The following AUTS2 variants were observed in gnomAD, a reference collection of about 807,000 sequenced individuals.
AUTS2 encodes autism susceptibility gene 2 protein.
AUTS2 carries 17 observed loss-of-function variants against 112.4 expected under a neutral mutation model. The ratio of observed to expected loss-of-function variants is 0.15; its 90% CI spans 0.10 to 0.23. The LOEUF is 0.23. Ranked by LOEUF, AUTS2 falls within the 10% of genes least tolerant of loss-of-function variation. AUTS2 has a pLI of 1.00. For synonymous variants in AUTS2, 751 were observed against 702.7 expected (o/e 1.07, Z -1.09); for missense variants, 1,510 against 1,701.6 (o/e 0.89, Z 1.98).
At position 70,546,733 on chromosome 7, in the gene AUTS2, CAT is replaced by C. The variant is rs1256621150; in HGVS notation, c.690+110953_690+110954del. 3.3e-5 allele frequency among the ~76,000 whole-genome samples: 5 copies of C among 150,028 alleles called. No homozygotes were observed. In the East Asian group the frequency reaches 8.0e-4, roughly 24 times the overall value. On this transcript the variant is annotated intron_variant, in intron 5 of 18. Coordinates refer to ENST00000342771, the MANE Select transcript of AUTS2 (RefSeq NM_015570.4). ...GGTGGAGCTTTCAGTGAGCTGAGAT[CAT>C]GCCACTGCACTCCAGCCTGGGCGAC... is the stretch of plus-strand genomic sequence containing the variant.
At chr7:70,414,833 A>G (rs1794924836) in intron 4 of AUTS2, among the ~76,000 whole-genome samples, 1 of 152,114 alleles carries the variant, frequency 6.6e-6, no homozygotes, top group Non-Finnish European at 1.5e-5. Flanking sequence ...GGCTCAAAGC[A>G]CGAGTTACAG....
intron 4 of AUTS2, among the ~76,000 whole-genome samples, chr7:70,289,784 G>A (rs1788627299): frequency 6.6e-6 from 1 of 152,196 alleles, no homozygotes; most frequent in Non-Finnish European, 1.5e-5. Flanking sequence ...TAGAGATACA[G>A]TCTTCAACCA....
intron 1 of AUTS2, among the ~76,000 whole-genome samples, chr7:69,882,492 G>A (rs1794098336): frequency 6.6e-6 from 1 of 152,116 alleles, no homozygotes; most frequent in Non-Finnish European, 1.5e-5. Flanking sequence ...TTTCAGTTCT[G>A]TTCACATGAA....
chr7:69,661,626 G>A (rs1795801408), intron 1 of AUTS2, among the ~76,000 whole-genome samples: 1 of 152,254 alleles, frequency 6.6e-6, no homozygotes, highest in East Asian at 1.9e-4. Context: ...CATGACCAAG[G>A]GAAAGAGAAG....
chr7:70,112,533 T>G (rs1189581962), intron 2 of AUTS2, among the ~76,000 whole-genome samples: 2 of 152,014 alleles, frequency 1.3e-5, no homozygotes, highest in Non-Finnish European at 2.9e-5. Context: ...AGTAGAATGC[T>G]AAAGGCTCCC....
At chr7:69,950,517 A>G (rs770051678) in intron 2 of AUTS2, among the ~76,000 whole-genome samples, 4 of 152,176 alleles carry the variant, frequency 2.6e-5, no homozygotes, top group Non-Finnish European at 5.9e-5. Context: ...ACAGTGTGTT[A>G]AGTTACTTCT....
intron 5 of AUTS2, among the ~76,000 whole-genome samples, chr7:70,697,622 T>G (rs1264670529): frequency 1.4e-5 from 2 of 145,346 alleles, no homozygotes; most frequent in Non-Finnish European, 3.0e-5. Flanking sequence ...GGCTTTTGCT[T>G]TCTCAGAATA....
chr7:70,710,109 C>G (rs35853332), intron 6 of AUTS2, among the ~76,000 whole-genome samples: 66,238 of 151,570 alleles, frequency 0.44, 14,596 homozygotes, highest in Middle Eastern at 0.55. Context: ...TTTATCTGCT[C>G]AGTAAATGTT....
intron 2 of AUTS2, among the ~76,000 whole-genome samples, chr7:70,025,455 T>C (rs1180995525): frequency 2.6e-5 from 4 of 151,276 alleles, no homozygotes; most frequent in African/African-American, 7.3e-5. Context: ...GTTTCCTTTT[T>C]TTTTTTTTTT....
In AUTS2 at chr7:69,599,609, G is replaced by T; in HGVS notation, c.-45G>T. The T allele has an allele frequency of 7.9e-7, 1 of 1,265,300 alleles. No homozygotes were observed. The highest frequency in any genetic ancestry group is 1.6e-5 in the African/African-American group (1 of 64,416). 78.4% of individuals were successfully genotyped at this position (1,265,300 alleles called of 1,614,324 possible). ...AATTTTTTTTTGTGTGGCTGCGGCC[G>T]TAGCCTGTGGCGGGCAAGCGGGGAG... On this transcript the variant is annotated 5_prime_UTR_variant, in exon 1 of 19. Transcript: ENST00000342771. This position sits in a 1 kb window ranked among gnomAD's most constrained non-coding sequence, Gnocchi z 7.0.
chr7:70,387,988 A>G (rs920757579), intron 4 of AUTS2, among the ~76,000 whole-genome samples: 6 of 152,144 alleles, frequency 3.9e-5, no homozygotes, highest in African/African-American at 1.2e-4. Flanking sequence ...AAGGCCTTCT[A>G]TATTATTTTC....
chr7:69,737,203 A>G (rs1166543071), intron 1 of AUTS2, among the ~76,000 whole-genome samples: 4 of 152,134 alleles, frequency 2.6e-5, no homozygotes. Context: ...GTGCGAGTGT[A>G]TAGATTGTTT....
At chr7:70,015,036 A>G (rs1241308746) in intron 2 of AUTS2, among the ~76,000 whole-genome samples, 1 of 152,236 alleles carries the variant, frequency 6.6e-6, no homozygotes, top group African/African-American at 2.4e-5. Context: ...GCTAATATCC[A>G]GCTGTTGTGG....
intron 2 of AUTS2, among the ~76,000 whole-genome samples, chr7:69,978,844 C>G (rs1314421046): frequency 6.9e-6 from 1 of 143,936 alleles, no homozygotes; most frequent in African/African-American, 2.6e-5. Flanking sequence ...AAGACCCTGT[C>G]TGTCTCAAAG....
chr7:69,986,788 A>G (rs1342402557), intron 2 of AUTS2, among the ~76,000 whole-genome samples: 1 of 152,232 alleles, frequency 6.6e-6, no homozygotes, highest in East Asian at 1.9e-4. Flanking sequence ...AGTCTAGTAT[A>G]TGCTGTATGC....
intron 2 of AUTS2, among the ~76,000 whole-genome samples, chr7:70,013,951 C>T (rs1213455380): frequency 1.3e-5 from 2 of 152,026 alleles, no homozygotes; most frequent in Non-Finnish European, 2.9e-5. Flanking sequence ...CTCCTGACCT[C>T]GTGATCCACC....
At chr7:69,952,583 G>A (rs1797068397) in intron 2 of AUTS2, among the ~76,000 whole-genome samples, 1 of 152,144 alleles carries the variant, frequency 6.6e-6, no homozygotes, top group South Asian at 2.1e-4. Context: ...TTCTGCCTCT[G>A]TGGGTCTTAT....
At chr7:69,690,706 T>G (rs1797299337) in intron 1 of AUTS2, among the ~76,000 whole-genome samples, 1 of 152,202 alleles carries the variant, frequency 6.6e-6, no homozygotes, top group Non-Finnish European at 1.5e-5. Context: ...CAGTCCTGGC[T>G]TGTAGAGCCA....
intron 9 of AUTS2, among the ~76,000 whole-genome samples, chr7:70,767,070 T>G (rs1465214971): frequency 6.6e-6 from 1 of 152,228 alleles, no homozygotes; most frequent in Non-Finnish European, 1.5e-5. Flanking sequence ...ATGCTAAATA[T>G]TCTCAGATAG....
Sources: allele counts gnomAD v4.1 joint callset (sites outside exome capture counted in the v4.1 genomes callset), GRCh38; gene constraint gnomAD v4.1.1; non-coding constraint Gnocchi (gnomAD v3.1); transcripts MANE v1.5; gene names NCBI Gene and HGNC (gene_info 2026-07-23, HGNC 2026-07-21).